The following SYNDIG1L variants were observed in gnomAD, a reference collection of about 807,000 sequenced individuals.
SYNDIG1L encodes the protein synapse differentiation inducing 1 like.
In SYNDIG1L, 13 loss-of-function variants were observed where a neutral mutation model predicts 20.1. The ratio of observed to expected loss-of-function variants is 0.65; its 90% CI spans 0.42 to 1.03. The LOEUF (loss-of-function observed/expected upper bound fraction) is 1.03. Among genes scored for constraint, SYNDIG1L ranks in the 50% least tolerant of loss-of-function variants. The probability of loss-of-function intolerance (pLI) is 0.00; values close to 1 mark genes in which losing one functional copy is unlikely to be tolerated. For synonymous variants in SYNDIG1L, 128 were observed against 129.3 expected (o/e 0.99, Z 0.07); for missense variants, 294 against 305.1 (o/e 0.96, Z 0.27).
At chr14:74,444,339 C>T in the SYNDIG1L span, among the ~76,000 whole-genome samples, 2 of 151,742 alleles carry the variant, frequency 1.3e-5, no homozygotes, top group South Asian at 2.1e-4. Flanking sequence ...AGATTACAGG[C>T]GTGAGCCACT....
chr14:74,465,729 CCCTGGG>C, the SYNDIG1L span, among the ~76,000 whole-genome samples: 1 of 152,206 alleles, frequency 6.6e-6, no homozygotes, highest in Non-Finnish European at 1.5e-5. Flanking sequence ...ACCTCCCCAA[CCCTGGG>C]CCTCATCTTT....
chr14:74,469,701 A>G, the SYNDIG1L span, among the ~76,000 whole-genome samples: 1 of 152,198 alleles, frequency 6.6e-6, no homozygotes, highest in Non-Finnish European at 1.5e-5. Flanking sequence ...GGGGCTACTT[A>G]TGCTCACAGA....
chr14:74,407,461 A>T lies in SYNDIG1L; in HGVS notation c.*74T>A, dbSNP rs1295661516. 1 of 1,595,568 alleles carries T rather than the reference A, an allele frequency of 6.3e-7. No individual in the cohort carries two copies. The highest frequency in any genetic ancestry group is 8.5e-7 in the Non-Finnish European group (1 of 1,173,252). Reference sequence around the variant, plus strand: ...TCATCTTCAGGGGCCGGGCCTTTCCATAGGGTCTGCAACTCCAAGCCCCAC... The same window carrying T: ...TCATCTTCAGGGGCCGGGCCTTTCCTTAGGGTCTGCAACTCCAAGCCCCAC... On this transcript the variant is annotated 3_prime_UTR_variant, in exon 4 of 4. Coordinates refer to ENST00000331628, the MANE Select transcript of SYNDIG1L (RefSeq NM_001105579.2).
the SYNDIG1L span, among the ~76,000 whole-genome samples, chr14:74,450,621 A>G: frequency 6.6e-6 from 1 of 152,174 alleles, no homozygotes; most frequent in Non-Finnish European, 1.5e-5. Flanking sequence ...AACATTTGAC[A>G]AAATCTGACA....
the SYNDIG1L span, among the ~76,000 whole-genome samples, chr14:74,461,928 A>G: frequency 7.4e-6 from 1 of 135,598 alleles, no homozygotes; most frequent in Non-Finnish European, 1.6e-5. Flanking sequence ...CAAAAAATAC[A>G]AAAAAAATTT....
chr14:74,438,809 C>T, the SYNDIG1L span, among the ~76,000 whole-genome samples: 13 of 152,176 alleles, frequency 8.5e-5, no homozygotes, highest in South Asian at 1.2e-3. Flanking sequence ...GTACAAAGTA[C>T]TTGACATGCA....
At chr14:74,434,805 G>A in the SYNDIG1L span, among the ~76,000 whole-genome samples, 16 of 151,988 alleles carry the variant, frequency 1.1e-4, no homozygotes, top group African/African-American at 3.4e-4. Flanking sequence ...TGGCAGGCTG[G>A]GCGCGGTGGC....
the SYNDIG1L span, among the ~76,000 whole-genome samples, chr14:74,470,767 A>G: frequency 6.6e-6 from 1 of 152,216 alleles, no homozygotes; most frequent in African/African-American, 2.4e-5. Flanking sequence ...TTTGTTAGGT[A>G]GATTAGGAGA....
the SYNDIG1L span, among the ~76,000 whole-genome samples, chr14:74,471,596 T>TCA: frequency 0.21 from 30,866 of 149,720 alleles, 3,230 homozygotes; most frequent in South Asian, 0.27. Flanking sequence ...AGACCCTATC[T>TCA]CACACACACA....
chr14:74,437,927 G>GCCAC, the SYNDIG1L span, among the ~76,000 whole-genome samples: 1 of 152,196 alleles, frequency 6.6e-6, no homozygotes, highest in African/African-American at 2.4e-5. Flanking sequence ...TGCCCCCACA[G>GCCAC]ATGACCCTGC....
intron 1 of SYNDIG1L, among the ~76,000 whole-genome samples, chr14:74,412,058 G>A (rs1350482313): frequency 6.6e-6 from 1 of 152,240 alleles, no homozygotes. Flanking sequence ...GGCTTGGGCA[G>A]GTCATGCAGA....
intron 1 of SYNDIG1L, among the ~76,000 whole-genome samples, chr14:74,420,408 A>AAAT (rs2086212486): frequency 6.6e-6 from 1 of 151,040 alleles, no homozygotes; most frequent in African/African-American, 2.4e-5. Flanking sequence ...AAAAAAAAAA[A>AAAT]TGCAGGCAGG....
chr14:74,428,819 C>T (rs1384810704), upstream of SYNDIG1L, among the ~76,000 whole-genome samples: 4 of 152,048 alleles, frequency 2.6e-5, no homozygotes, highest in African/African-American at 7.2e-5. Context: ...GTCAACAGGA[C>T]GGGAGCAGGG....
intron 1 of SYNDIG1L, among the ~76,000 whole-genome samples, chr14:74,411,224 G>A (rs567097172): frequency 2.0e-5 from 3 of 152,326 alleles, no homozygotes; most frequent in African/African-American, 7.2e-5. Flanking sequence ...TTCCTTATCT[G>A]TAAGGTGTGG....
At chr14:74,470,558 G>A in the SYNDIG1L span, among the ~76,000 whole-genome samples, 1 of 152,230 alleles carries the variant, frequency 6.6e-6, no homozygotes, top group Non-Finnish European at 1.5e-5. Flanking sequence ...GATTTGCTCA[G>A]GAAGGAAGAG....
the SYNDIG1L span, among the ~76,000 whole-genome samples, chr14:74,443,978 C>T: frequency 1.3e-5 from 2 of 152,216 alleles, no homozygotes; most frequent in East Asian, 1.9e-4. Context: ...TCTTGCAGCT[C>T]TTAGAGCCCT....
chr14:74,409,879 C>T (rs892154770), intron 1 of SYNDIG1L, 78 bp from the exon 2 acceptor site: 4 of 1,155,874 alleles, frequency 3.5e-6, no homozygotes, highest in African/African-American at 3.2e-5. Flanking sequence ...GAGCATGGGT[C>T]CTGCAGTCTG....
chr14:74,450,299 G>A, the SYNDIG1L span, among the ~76,000 whole-genome samples: 2 of 152,210 alleles, frequency 1.3e-5, no homozygotes, highest in Non-Finnish European at 2.9e-5. Context: ...TAATGATGAA[G>A]CAATACCAAT....
chr14:74,407,729 C>A, intron 3 of SYNDIG1L, 36 bp from the exon 4 acceptor site: 1 of 1,578,880 alleles, frequency 6.3e-7, no homozygotes. Context: ...CAGGAGTGTC[C>A]CCACACCCAG....
Sources: gnomAD v4.1 joint callset for allele counts (sites outside exome capture counted in the v4.1 genomes callset) on GRCh38, gnomAD v4.1.1 for gene constraint, MANE v1.5 for transcripts, NCBI Gene and HGNC (gene_info 2026-07-23, HGNC 2026-07-21) for gene names.